AGBL4: variants seen among roughly 807,000 people sequenced by gnomAD.
AGBL4 encodes the protein AGBL carboxypeptidase 4.
Under a neutral mutation model 66.4 loss-of-function variants are expected in AGBL4, and 58 were observed. The ratio of observed to expected loss-of-function variants is 0.87; its 90% CI spans 0.71 to 1.09. AGBL4 has a LOEUF of 1.09. AGBL4 is among the 50% of genes least tolerant of loss of function. The pLI, the probability that AGBL4 is intolerant of heterozygous loss-of-function variation, is 0.00. For missense variants in AGBL4, 579 were observed against 631.0 expected (o/e 0.92, Z 0.88); for synonymous variants, 234 against 222.9 (o/e 1.05, Z -0.44).
intron 5 of AGBL4, among the ~76,000 whole-genome samples, chr1:48,868,151 T>G (rs1414160553): frequency 6.6e-6 from 1 of 152,234 alleles, no homozygotes; most frequent in Non-Finnish European, 1.5e-5. Context: ...TCTCTGTTTC[T>G]GTTTTCTTAA....
chr1:48,558,461 T>C (rs1021454517), intron 11 of AGBL4, among the ~76,000 whole-genome samples: 1 of 152,360 alleles, frequency 6.6e-6, no homozygotes, highest in African/African-American at 2.4e-5. Flanking sequence ...CCACTCAGAC[T>C]GTGGGTGGGG....
intron 4 of AGBL4, among the ~76,000 whole-genome samples, chr1:49,055,793 T>C (rs1167387976): frequency 1.3e-5 from 2 of 152,184 alleles, no homozygotes; most frequent in Non-Finnish European, 2.9e-5. Context: ...TTAGATTAAA[T>C]TCTATTTTTA....
At chr1:49,206,033 T>C (rs535092337) in intron 4 of AGBL4, among the ~76,000 whole-genome samples, 4 of 152,086 alleles carry the variant, frequency 2.6e-5, no homozygotes, top group Non-Finnish European at 5.9e-5. Flanking sequence ...CCAAGGGGAA[T>C]AAGAAGGAAG....
At chr1:49,553,453 T>G (rs1653131593) in intron 3 of AGBL4, among the ~76,000 whole-genome samples, 2 of 152,208 alleles carry the variant, frequency 1.3e-5, no homozygotes, top group South Asian at 2.1e-4. Flanking sequence ...ACTACAATGA[T>G]AGCTCAAGTT....
At chr1:49,198,803 G>T (rs1258147703) in intron 4 of AGBL4, among the ~76,000 whole-genome samples, 2 of 151,578 alleles carry the variant, frequency 1.3e-5, no homozygotes, top group East Asian at 3.9e-4. Flanking sequence ...CCTATCCTAA[G>T]GAATAAATAT....
At chr1:49,454,498 T>C (rs1472006843) in intron 3 of AGBL4, among the ~76,000 whole-genome samples, 1 of 151,804 alleles carries the variant, frequency 6.6e-6, no homozygotes, top group Non-Finnish European at 1.5e-5. Flanking sequence ...TTCTATGCTT[T>C]CCTGTATTCT....
intron 6 of AGBL4, among the ~76,000 whole-genome samples, chr1:48,837,337 T>C (rs1646700035): frequency 6.6e-6 from 1 of 151,902 alleles, no homozygotes; most frequent in African/African-American, 2.4e-5. Context: ...CTTGATTGGA[T>C]TGAAGGATGC....
chr1:49,588,798 A>G (rs763312950), intron 3 of AGBL4, among the ~76,000 whole-genome samples: 6 of 152,200 alleles, frequency 3.9e-5, no homozygotes, highest in Non-Finnish European at 7.3e-5. Flanking sequence ...AATGAGTGAT[A>G]TCATTAAGTC....
rs1175411910 is a variant in AGBL4 at position 49,851,496 on chromosome 1, A to G, written c.57T>C (p.Asp19=). The G allele has an allele frequency of 6.5e-7, 1 of 1,549,772 alleles. No individual in the cohort carries two copies. The highest frequency in any genetic ancestry group is 8.7e-7 in the Non-Finnish European group (1 of 1,145,934). Residue 19 remains aspartate, a synonymous_variant, in exon 2 of 14, where the codon GAT becomes GAC. Transcript: ENST00000371839. ...ATTTGCTCACATTCCCTCCAATGGC[A>G]TCATCATTTCCCATATCATTGCCTA... ...PEAGNDMGND[D]AIGGNVSKYI... is the part of the protein sequence containing the mutation.
chr1:49,915,998 C>T (rs1449147497), intron 1 of AGBL4, among the ~76,000 whole-genome samples: 1 of 152,128 alleles, frequency 6.6e-6, no homozygotes, highest in African/African-American at 2.4e-5. Context: ...CTCCAGCAAA[C>T]TCCAACAGAC....
chr1:49,457,559 G>A (rs1646417433), intron 3 of AGBL4, among the ~76,000 whole-genome samples: 1 of 151,710 alleles, frequency 6.6e-6, no homozygotes, highest in African/African-American at 2.4e-5. Context: ...AAGCTTTTAA[G>A]TTTAACTCGG....
rs530869554 is a variant in AGBL4 at position 49,628,220 on chromosome 1, G to A, written c.282+69093C>T. On this transcript the variant is annotated intron_variant, in intron 3 of 13. Transcript: ENST00000371839. ...AGTGATTCTCCTTTTGCAGCTCACC[G>A]TAAACTCCACATTATATCTTTTCCC... Among the ~76,000 whole-genome samples the A allele has an allele frequency of 3.1e-4, 47 of 152,118 alleles. No homozygotes were observed. In the South Asian group the frequency reaches 6.6e-3, roughly 21 times the overall value.
intron 3 of AGBL4, among the ~76,000 whole-genome samples, chr1:49,259,084 T>C (rs1295665201): frequency 6.6e-6 from 1 of 151,982 alleles, no homozygotes; most frequent in East Asian, 1.9e-4. Flanking sequence ...AGAAATAAAA[T>C]ACCTTACAGA....
chr1:48,841,419 A>AG (rs1646799708), intron 6 of AGBL4, among the ~76,000 whole-genome samples: 1 of 136,226 alleles, frequency 7.3e-6, no homozygotes, highest in Non-Finnish European at 1.6e-5. Context: ...CCCCAAAAAA[A>AG]AAGAAGAGAG....
chr1:48,974,317 C>A (rs1659149151), intron 5 of AGBL4, among the ~76,000 whole-genome samples: 1 of 152,108 alleles, frequency 6.6e-6, no homozygotes, highest in African/African-American at 2.4e-5. Context: ...CTGAGCTGAG[C>A]TTTTTGTGAG....
At chr1:48,916,144 T>C (rs967749625) in intron 5 of AGBL4, among the ~76,000 whole-genome samples, 2 of 152,206 alleles carry the variant, frequency 1.3e-5, no homozygotes, top group Non-Finnish European at 1.5e-5. Flanking sequence ...TAGTGAATGT[T>C]TGATGAATGA....
intron 4 of AGBL4, among the ~76,000 whole-genome samples, chr1:49,079,945 TA>T (rs1644779370): frequency 6.6e-6 from 1 of 152,214 alleles, no homozygotes; most frequent in African/African-American, 2.4e-5. Context: ...AAACCAGTGC[TA>T]AGACATTTAG....
chr1:49,771,428 C>G (rs548808209), intron 2 of AGBL4, among the ~76,000 whole-genome samples: 1 of 152,050 alleles, frequency 6.6e-6, no homozygotes, highest in East Asian at 1.9e-4. Context: ...ATTATTTATC[C>G]TGGAGAATGC....
At chr1:49,944,113 CCACCCTGGTAGCTGAAGACAAACGGCATA>C (rs1161075819) in intron 1 of AGBL4, among the ~76,000 whole-genome samples, 4 of 151,946 alleles carry the variant, frequency 2.6e-5, no homozygotes, top group Non-Finnish European at 5.9e-5. Context: ...CCTTTCCTAC[CCACCCTGGTAGCTGAAGACAAACGGCATA>C]CACCCTTAAG....
Sources: allele counts gnomAD v4.1 joint callset (sites outside exome capture counted in the v4.1 genomes callset), GRCh38; gene constraint gnomAD v4.1.1; transcripts MANE v1.5; gene names NCBI Gene and HGNC (gene_info 2026-07-23, HGNC 2026-07-21).